Variants in CNTNAP2 observed in about 807,000 individuals in gnomAD.
CNTNAP2 encodes contactin-associated protein-like 2.
A neutral mutation model predicts 155.2 loss-of-function variants in CNTNAP2; 98 were observed. The ratio of observed to expected loss-of-function variants is 0.63; its 90% CI spans 0.54 to 0.75. The LOEUF is 0.75. Among genes scored for constraint, CNTNAP2 ranks in the 30% least tolerant of loss-of-function variants. The pLI is 0.00. For missense variants in CNTNAP2, 1,727 were observed against 1,688.1 expected (o/e 1.02, Z -0.40); for synonymous variants, 651 against 631.2 (o/e 1.03, Z -0.47).
chr7:147,423,483 C>T (rs186363390), intron 10 of CNTNAP2, among the ~76,000 whole-genome samples: 4 of 152,234 alleles, frequency 2.6e-5, no homozygotes, highest in Admixed American at 2.6e-4. Context: ...TGTGTATCTT[C>T]AAGGAATAAA....
At chr7:146,947,410 CTATATATA>C (rs35859103) in intron 3 of CNTNAP2, among the ~76,000 whole-genome samples, 184 of 122,668 alleles carry the variant, frequency 1.5e-3, no homozygotes, top group African/African-American at 5.3e-3. Flanking sequence ...CTCTCTCTCT[CTATATATA>C]TATATATATA....
At chr7:147,422,502 T>A (rs921063455) in intron 10 of CNTNAP2, among the ~76,000 whole-genome samples, 1 of 152,122 alleles carries the variant, frequency 6.6e-6, no homozygotes, top group Non-Finnish European at 1.5e-5. Flanking sequence ...AAATTTATAA[T>A]CATTCCATAA....
intron 3 of CNTNAP2, among the ~76,000 whole-genome samples, chr7:146,973,175 C>T (rs576294593): frequency 1.5e-4 from 23 of 152,258 alleles, no homozygotes; most frequent in East Asian, 5.8e-4. Flanking sequence ...ATTATAGGCA[C>T]GTGCTGACAT....
At chr7:146,603,727 A>G (rs1167215478) in intron 1 of CNTNAP2, among the ~76,000 whole-genome samples, 1 of 151,166 alleles carries the variant, frequency 6.6e-6, no homozygotes, top group South Asian at 2.1e-4. Context: ...AAACAGAGAT[A>G]TAGATCAATG....
At chr7:146,664,020 G>A (rs946233302) in intron 1 of CNTNAP2, among the ~76,000 whole-genome samples, 1 of 152,070 alleles carries the variant, frequency 6.6e-6, no homozygotes, top group African/African-American at 2.4e-5. Context: ...TGTTTATCAG[G>A]TTGAAGAAGT....
intron 1 of CNTNAP2, among the ~76,000 whole-genome samples, chr7:146,610,609 C>T (rs531642442): frequency 7.6e-4 from 115 of 152,150 alleles, no homozygotes; most frequent in African/African-American, 2.7e-3. Flanking sequence ...TATTTTAAAT[C>T]CCATTTTTGA....
At chr7:146,328,783 G>A (rs563688170) in intron 1 of CNTNAP2, among the ~76,000 whole-genome samples, 6 of 152,248 alleles carry the variant, frequency 3.9e-5, no homozygotes, top group South Asian at 4.1e-4. Flanking sequence ...GTGAGATCAC[G>A]CAATATTTGT....
At chr7:147,214,229 G>A (rs1803218865) in intron 8 of CNTNAP2, among the ~76,000 whole-genome samples, 1 of 152,136 alleles carries the variant, frequency 6.6e-6, no homozygotes, top group African/African-American at 2.4e-5. Flanking sequence ...TAAATTGTTT[G>A]CAATTTTTTT....
chr7:147,814,526 A>C (rs17824874), intron 13 of CNTNAP2, among the ~76,000 whole-genome samples: 9 of 152,014 alleles, frequency 5.9e-5, no homozygotes, highest in African/African-American at 2.2e-4. Flanking sequence ...AAAACAGCTT[A>C]AGAGGCACAT....
intron 3 of CNTNAP2, among the ~76,000 whole-genome samples, chr7:146,972,883 A>G (rs888532600): frequency 6.6e-6 from 1 of 152,226 alleles, no homozygotes; most frequent in African/African-American, 2.4e-5. Flanking sequence ...AACACACCTC[A>G]GTCAGAGGCA....
intron 1 of CNTNAP2, among the ~76,000 whole-genome samples, chr7:146,380,027 A>G (rs571796023): frequency 1.3e-5 from 2 of 152,220 alleles, no homozygotes; most frequent in Non-Finnish European, 2.9e-5. Context: ...AAGAAAGTGT[A>G]TTCTCTTTCC....
chr7:146,835,910 G>T (rs971527572), intron 2 of CNTNAP2, among the ~76,000 whole-genome samples: 3 of 152,168 alleles, frequency 2.0e-5, no homozygotes, highest in Admixed American at 6.5e-5. Flanking sequence ...GTTTCTACAG[G>T]TTGGGGCAGG....
At chr7:146,495,384 C>T (rs1296705388) in intron 1 of CNTNAP2, among the ~76,000 whole-genome samples, 1 of 152,062 alleles carries the variant, frequency 6.6e-6, no homozygotes, top group African/African-American at 2.4e-5. Context: ...GGAGAGTTAA[C>T]TGGATTATGT....
chr7:148,122,246 C>T (rs1804613092), intron 16 of CNTNAP2, among the ~76,000 whole-genome samples: 1 of 152,208 alleles, frequency 6.6e-6, no homozygotes, highest in Non-Finnish European at 1.5e-5. Flanking sequence ...CATTATGTGT[C>T]TGTCCCAAAG....
chr7:148,061,125 G>A (rs1803121181), intron 15 of CNTNAP2, among the ~76,000 whole-genome samples: 2 of 152,084 alleles, frequency 1.3e-5, no homozygotes, highest in Admixed American at 1.3e-4. Context: ...CATTAATGAA[G>A]ATATAGGTTA....
intron 1 of CNTNAP2, among the ~76,000 whole-genome samples, chr7:146,699,579 A>G (rs1227722873): frequency 3.3e-5 from 5 of 152,010 alleles, no homozygotes; most frequent in Admixed American, 1.3e-4. Context: ...GGGGTTAGGT[A>G]TTTCTCTTCT....
chr7:147,023,179 A>T (rs1798845438), intron 3 of CNTNAP2, among the ~76,000 whole-genome samples: 1 of 152,088 alleles, frequency 6.6e-6, no homozygotes, highest in Admixed American at 6.6e-5. Context: ...GAACACGGGC[A>T]CGGCAACTGA....
chr7:147,129,897 A>G (rs1412465392), intron 7 of CNTNAP2, among the ~76,000 whole-genome samples: 1 of 152,134 alleles, frequency 6.6e-6, no homozygotes, highest in East Asian at 1.9e-4. Flanking sequence ...CTTTGGTTAA[A>G]TTTTCTCATA....
At chr7:147,393,545 C>G (rs1382363949) in intron 9 of CNTNAP2, among the ~76,000 whole-genome samples, 1 of 150,464 alleles carries the variant, frequency 6.6e-6, no homozygotes, top group African/African-American at 2.4e-5. Flanking sequence ...TAAGTTACAA[C>G]TGGGTGTTTT....
Sources: allele counts gnomAD v4.1 joint callset (sites outside exome capture counted in the v4.1 genomes callset), GRCh38; gene constraint gnomAD v4.1.1; transcripts MANE v1.5; gene names NCBI Gene and HGNC (gene_info 2026-07-23, HGNC 2026-07-21).